Variants in ASCC3 observed in about 807,000 individuals in gnomAD.
The protein encoded by ASCC3 is ASC-1 complex subunit P200.
A neutral mutation model predicts 256.3 loss-of-function variants in ASCC3; 158 were observed. That is an observed-to-expected ratio of 0.62 (90% CI 0.54 to 0.70). The LOEUF (loss-of-function observed/expected upper bound fraction) is 0.70, where lower values mean the gene tolerates loss of function less well. Ranked by LOEUF, ASCC3 falls within the 30% of genes least tolerant of loss-of-function variation. The pLI is 0.00. For synonymous variants in ASCC3, 948 were observed against 883.4 expected, an observed-to-expected ratio of 1.07 and a Z score of -1.30; for missense variants, 2,259 against 2,626.0, an observed-to-expected ratio of 0.86 and a Z score of 3.05.
intron 10 of ASCC3, 50 bp downstream of exon 10, chr6:100,766,515 T>A: frequency 1.3e-6 from 2 of 1,549,456 alleles, no homozygotes; most frequent in South Asian, 2.2e-5. Flanking sequence ...TTTTCACAAT[T>A]ACCTAAAAAA....
At chr6:100,553,565 G>A (rs1009178443) in intron 36 of ASCC3, among the ~76,000 whole-genome samples, 1 of 151,976 alleles carries the variant, frequency 6.6e-6, no homozygotes, top group African/African-American at 2.4e-5. Context: ...ACTACTAACT[G>A]CAAATCTGTG....
chr6:100,598,457 A>C (rs756448716), intron 34 of ASCC3, among the ~76,000 whole-genome samples: 3 of 147,126 alleles, frequency 2.0e-5, no homozygotes, highest in Non-Finnish European at 4.5e-5. Flanking sequence ...TCAGAGGCTC[A>C]CTATAATTTC....
chr6:100,726,048 G>T lies in ASCC3; in HGVS notation c.1738-345C>A, dbSNP rs543779895. Among the ~76,000 whole-genome samples the T allele has an allele frequency of 2.7e-5, 4 of 150,030 alleles. No individual in the cohort carries two copies. In the South Asian group the frequency reaches 8.4e-4, roughly 31 times the overall value. On this transcript the variant is annotated intron_variant, in intron 10 of 41. Coordinates refer to ENST00000369162, the MANE Select transcript of ASCC3 (RefSeq NM_006828.4). ...TTTAAAGTAGCATATACTGATAATG[G>T]TCTTTATTTGAAAAGGGACTAAAAA... is the stretch of plus-strand genomic sequence containing the variant.
chr6:100,762,422 A>G (rs968767127), intron 10 of ASCC3, among the ~76,000 whole-genome samples: 1 of 152,246 alleles, frequency 6.6e-6, no homozygotes, highest in East Asian at 1.9e-4. Context: ...ATTGTAAAAT[A>G]GTAACTCTTC....
intron 10 of ASCC3, among the ~76,000 whole-genome samples, chr6:100,766,299 A>C (rs1350654574): frequency 6.6e-6 from 1 of 152,166 alleles, no homozygotes; most frequent in Non-Finnish European, 1.5e-5. Flanking sequence ...TACTATTTTA[A>C]AAGAATAGCC....
intron 1 of ASCC3, among the ~76,000 whole-genome samples, chr6:100,868,471 T>C (rs774192365): frequency 1.3e-5 from 2 of 152,252 alleles, no homozygotes; most frequent in South Asian, 2.1e-4. Context: ...CACTGAACTC[T>C]TGGCTTAAAA....
chr6:100,816,017 A>G (rs1770728319), intron 4 of ASCC3, among the ~76,000 whole-genome samples: 1 of 152,152 alleles, frequency 6.6e-6, no homozygotes, highest in African/African-American at 2.4e-5. Context: ...TATGCATCCA[A>G]CAAAGGTCTA....
chr6:100,696,317 G>A (rs1300970706), intron 13 of ASCC3, among the ~76,000 whole-genome samples: 2 of 151,992 alleles, frequency 1.3e-5, no homozygotes, highest in African/African-American at 4.8e-5. Flanking sequence ...AATCATATTT[G>A]AATATTTATC....
chr6:100,654,981 C>A (rs1775846620), intron 17 of ASCC3, among the ~76,000 whole-genome samples: 1 of 151,564 alleles, frequency 6.6e-6, no homozygotes, highest in Admixed American at 6.6e-5. Context: ...TAAAGTTCAA[C>A]TTATACAAAT....
chr6:100,744,198 G>GT (rs1405577388), intron 10 of ASCC3, among the ~76,000 whole-genome samples: 1 of 151,934 alleles, frequency 6.6e-6, no homozygotes, highest in Non-Finnish European at 1.5e-5. Context: ...CTTTCCCTTA[G>GT]TTTTTTATTC....
At chr6:100,541,848 T>C (rs975524793) in intron 36 of ASCC3, among the ~76,000 whole-genome samples, 1 of 152,208 alleles carries the variant, frequency 6.6e-6, no homozygotes, top group Non-Finnish European at 1.5e-5. Flanking sequence ...ATTTTACATA[T>C]TTAAAAAGTT....
chr6:100,864,323 G>T, intron 2 of ASCC3, 109 bp from the exon 3 acceptor site: 3 of 981,354 alleles, frequency 3.1e-6, no homozygotes, highest in South Asian at 1.6e-5. Context: ...CTACCCACAA[G>T]AATTCAAAGT....
At chr6:100,738,722 T>C (rs1362269745) in intron 10 of ASCC3, among the ~76,000 whole-genome samples, 1 of 152,178 alleles carries the variant, frequency 6.6e-6, no homozygotes, top group Non-Finnish European at 1.5e-5. Flanking sequence ...TCCACATGAA[T>C]TTTAAAATAG....
intron 8 of ASCC3, among the ~76,000 whole-genome samples, chr6:100,793,343 C>A (rs1403861767): frequency 6.6e-6 from 1 of 151,898 alleles, no homozygotes; most frequent in East Asian, 1.9e-4. Context: ...TTCATGAGAT[C>A]ACTTTGAAGA....
intron 36 of ASCC3, among the ~76,000 whole-genome samples, chr6:100,557,460 C>T (rs1188631528): frequency 6.6e-6 from 1 of 152,048 alleles, no homozygotes; most frequent in African/African-American, 2.4e-5. Context: ...ATTTGTATAT[C>T]TTTCTAATAA....
At chr6:100,778,837 T>A (rs186451010) in intron 8 of ASCC3, among the ~76,000 whole-genome samples, 1 of 152,212 alleles carries the variant, frequency 6.6e-6, no homozygotes, top group African/African-American at 2.4e-5. Context: ...CAATATAATA[T>A]CATAGATCTC....
chr6:100,606,738 A>G lies in ASCC3; in HGVS notation c.5044+2T>C, dbSNP rs1455960789. The stretch of plus-strand genomic sequence containing the variant: ...GTATTTCTGTGAATTTAAGAAAATT[A>G]CCTGTAATGGGAAAATCCACATAAC... On this transcript the variant is annotated splice_donor_variant, in intron 32 of 41. Transcript: ENST00000369162. LOFTEE classifies it high-confidence loss of function. 1 of 1,591,734 alleles carries G rather than the reference A, an allele frequency of 6.3e-7. No homozygotes were observed.
chr6:100,687,026 T>TCA (rs1489836127), intron 13 of ASCC3, among the ~76,000 whole-genome samples: 11 of 73,164 alleles, frequency 1.5e-4, no homozygotes, highest in Admixed American at 4.7e-4. Context: ...TCTCTCTCTC[T>TCA]CTCTCTCTCA....
chr6:100,636,470 CACA>C (rs1180803312), intron 25 of ASCC3, among the ~76,000 whole-genome samples: 1 of 152,104 alleles, frequency 6.6e-6, no homozygotes, highest in Non-Finnish European at 1.5e-5. Context: ...TTCCCTAAGA[CACA>C]ACAATATTGA....
Sources: gnomAD v4.1 joint callset for allele counts (sites outside exome capture counted in the v4.1 genomes callset) on GRCh38, gnomAD v4.1.1 for gene constraint, MANE v1.5 for transcripts, NCBI Gene and HGNC (gene_info 2026-07-23, HGNC 2026-07-21) for gene names.